The following GLIS1 variants were observed in gnomAD, a reference collection of about 807,000 sequenced individuals.
GLIS1 encodes zinc finger protein GLIS1.
A neutral mutation model predicts 63.8 loss-of-function variants in GLIS1; 24 were observed. The observed-to-expected ratio is 0.38, with a 90% CI of 0.27 to 0.53. GLIS1 has a LOEUF of 0.53. Among genes scored for constraint, GLIS1 ranks in the 20% least tolerant of loss-of-function variants. GLIS1 has a pLI of 0.85. For missense variants in GLIS1, 1,036 were observed against 1,074.1 expected (o/e 0.96, Z 0.50); for synonymous variants, 450 against 482.5 (o/e 0.93, Z 0.88).
chr1:53,598,087 G>A lies in GLIS1; in HGVS notation c.437+2014C>T, dbSNP rs937157602. 2.0e-5 allele frequency among the ~76,000 whole-genome samples: 3 copies of A among 152,110 alleles called. No homozygotes were observed. The highest frequency in any genetic ancestry group is 6.5e-5 in the Admixed American group (1 of 15,276). On this transcript the variant is annotated intron_variant, in intron 3 of 10. Coordinates refer to ENST00000628545, the MANE Select transcript of GLIS1 (RefSeq NM_001367484.1). The surrounding 1 kb of genome is among the most constrained non-coding windows in gnomAD (Gnocchi z 4.6). Reference sequence around the variant, plus strand: ...ATGCACGGCTCAAAAACTATAAGACGCTTGCTCCTTGCTATGGACTGATTT... The same window carrying A: ...ATGCACGGCTCAAAAACTATAAGACACTTGCTCCTTGCTATGGACTGATTT...
At chr1:53,734,281 A>G (rs931811026) in intron 2 of GLIS1, 125 of 787,542 alleles carry the variant, frequency 1.6e-4, no homozygotes, top group Non-Finnish European at 1.9e-4. Flanking sequence ...AACTCTGGAC[A>G]AATGGAATCA....
chr1:53,655,000 G>C (rs1645949136), intron 2 of GLIS1, among the ~76,000 whole-genome samples: 1 of 152,222 alleles, frequency 6.6e-6, no homozygotes, highest in South Asian at 2.1e-4. Flanking sequence ...TGACTCAACA[G>C]AAAGGAAATG....
At chr1:53,724,356 G>A (rs1259405242) in intron 2 of GLIS1, among the ~76,000 whole-genome samples, 3 of 152,198 alleles carry the variant, frequency 2.0e-5, no homozygotes, top group Non-Finnish European at 4.4e-5. Context: ...TTTCCAATAT[G>A]GTAGCTACCA....
At chr1:53,612,788 A>G (rs1413529748) in intron 2 of GLIS1, among the ~76,000 whole-genome samples, 1 of 150,252 alleles carries the variant, frequency 6.7e-6, no homozygotes, top group Non-Finnish European at 1.5e-5. Context: ...TTGGTCCCTC[A>G]AGTCCTAGCT....
intron 2 of GLIS1, among the ~76,000 whole-genome samples, chr1:53,647,620 AT>A (rs1645860522): frequency 6.6e-6 from 1 of 150,438 alleles, no homozygotes; most frequent in Non-Finnish European, 1.5e-5. Flanking sequence ...AGCTTCAAAA[AT>A]AAGCTTGTAA....
chr1:53,555,391 G>A (rs1311959071), intron 4 of GLIS1, among the ~76,000 whole-genome samples: 7 of 152,140 alleles, frequency 4.6e-5, no homozygotes, highest in Non-Finnish European at 8.8e-5. Context: ...TTAGCTGGGC[G>A]CGGTGGTGGG....
intron 2 of GLIS1, among the ~76,000 whole-genome samples, chr1:53,723,223 A>T (rs934570880): frequency 6.7e-6 from 1 of 149,474 alleles, no homozygotes; most frequent in Non-Finnish European, 1.5e-5. Flanking sequence ...TGTTAAGCTT[A>T]TTATTTATTT....
chr1:53,675,932 C>T (rs1646207146), intron 2 of GLIS1, among the ~76,000 whole-genome samples: 1 of 151,182 alleles, frequency 6.6e-6, no homozygotes, highest in African/African-American at 2.4e-5. Context: ...GAGAGAGAAG[C>T]CTGGAGCCAG....
intron 2 of GLIS1, among the ~76,000 whole-genome samples, chr1:53,690,361 G>C (rs1646389197): frequency 3.9e-5 from 6 of 152,234 alleles, no homozygotes; most frequent in Non-Finnish European, 7.3e-5. Context: ...GAAGACCTGT[G>C]CTGCAGGACA....
intron 2 of GLIS1, among the ~76,000 whole-genome samples, chr1:53,656,687 CT>C (rs1645969014): frequency 6.6e-6 from 1 of 152,224 alleles, no homozygotes; most frequent in Admixed American, 6.5e-5. Flanking sequence ...ACAATTAAAC[CT>C]TCCGTGGTTG....
At chr1:53,661,914 G>T (rs543553440) in intron 2 of GLIS1, among the ~76,000 whole-genome samples, 2 of 152,182 alleles carry the variant, frequency 1.3e-5, no homozygotes, top group Non-Finnish European at 2.9e-5. Context: ...TGAGGTCTCC[G>T]CTGGGCTGTG....
rs1296389420 is a variant in GLIS1, at chr1:53,526,528, C to A, written c.1483-1641G>T. On this transcript the variant is annotated intron_variant, in intron 5 of 10. Coordinates refer to ENST00000628545, the MANE Select transcript of GLIS1 (RefSeq NM_001367484.1). This position sits in a 1 kb window ranked among gnomAD's most constrained non-coding sequence, Gnocchi z 4.4. The stretch of plus-strand genomic sequence containing the variant: ...TAGGCTCCCTCTCTCACACACCATA[C>A]ACACACACACACACACACACACACA... 1.5e-5 allele frequency among the ~76,000 whole-genome samples: 2 copies of A among 136,034 alleles called. No homozygotes were observed. Among genetic ancestry groups the A allele is most frequent in the African/African-American group, 5.3e-5 (2 of 38,058 alleles). The allele number at this position is 136,034 out of a possible 152,430, so 89.2% of individuals were successfully genotyped here. A position where few individuals can be genotyped will look rare whatever the true frequency, so the allele number is the denominator to read the frequency against.
intron 2 of GLIS1, among the ~76,000 whole-genome samples, chr1:53,635,470 A>G (rs1645713802): frequency 6.6e-6 from 1 of 152,198 alleles, no homozygotes; most frequent in Admixed American, 6.5e-5. Flanking sequence ...CTAAGAAAAA[A>G]TTTATGATTT....
chr1:53,705,114 G>A (rs1474516157), intron 2 of GLIS1, among the ~76,000 whole-genome samples: 1 of 152,136 alleles, frequency 6.6e-6, no homozygotes, highest in African/African-American at 2.4e-5. Context: ...GCTGCCTCCT[G>A]GGAAGATCTG....
rs549403981 is a variant in GLIS1, at chr1:53,568,779, T to C, written c.1320+25329A>G. ...CTTGCTTCCCCTTCACCTTACACCATAAGTGTAAATTTCCTGAGCTCTCCC... is the reference window on the plus strand; with the variant it reads ...CTTGCTTCCCCTTCACCTTACACCACAAGTGTAAATTTCCTGAGCTCTCCC... On this transcript the variant is annotated intron_variant, in intron 4 of 10. Transcript: ENST00000628545. Among the ~76,000 whole-genome samples, 27 of 152,274 alleles carry C rather than the reference T, an allele frequency of 1.8e-4. 1 individual carries two copies. In the South Asian group the frequency reaches 5.6e-3, roughly 32 times the overall value.
intron 2 of GLIS1, among the ~76,000 whole-genome samples, chr1:53,679,738 C>T (rs761492809): frequency 2.3e-4 from 35 of 152,360 alleles, no homozygotes; most frequent in Non-Finnish European, 4.3e-4. Context: ...ATCACTCCTG[C>T]CTTCTGGCGC....
At chr1:53,699,408 A>G (rs1646500565) in intron 2 of GLIS1, among the ~76,000 whole-genome samples, 1 of 152,166 alleles carries the variant, frequency 6.6e-6, no homozygotes, top group African/African-American at 2.4e-5. Context: ...CTGCCATGAC[A>G]AAATACAAGG....
chr1:53,678,905 CT>C (rs1299357059), intron 2 of GLIS1, among the ~76,000 whole-genome samples: 3 of 152,246 alleles, frequency 2.0e-5, no homozygotes, highest in Non-Finnish European at 4.4e-5. Flanking sequence ...TTCCAGCCCA[CT>C]TCTGCTGTCA....
At chr1:53,666,764 GGCAGGTCTGTGGGCCAGGCTGGGGAGCCA>G (rs542078053) in intron 2 of GLIS1, among the ~76,000 whole-genome samples, 2,112 of 152,184 alleles carry the variant, frequency 0.014, 36 homozygotes, top group African/African-American at 0.047. Context: ...CCTTCCCATC[GGCAGGTCTGTGGGCCAGGCTGGGGAGCCA>G]GCAGGGCAGG....
Sources: allele counts gnomAD v4.1 joint callset (sites outside exome capture counted in the v4.1 genomes callset), GRCh38; gene constraint gnomAD v4.1.1; non-coding constraint Gnocchi (gnomAD v3.1); transcripts MANE v1.5; gene names NCBI Gene and HGNC (gene_info 2026-07-23, HGNC 2026-07-21).